NT5M: variants seen among roughly 807,000 people sequenced by gnomAD.
NT5M encodes 5'(3')-deoxyribonucleotidase, mitochondrial.
A neutral mutation model predicts 22.2 loss-of-function variants in NT5M; 22 were observed. The ratio of observed to expected loss-of-function variants is 0.99; its 90% CI spans 0.71 to 1.41. The LOEUF is 1.41. NT5M is among the 40% of genes most tolerant of loss of function. The probability of loss-of-function intolerance (pLI) is 0.00; values close to 1 mark genes in which losing one functional copy is unlikely to be tolerated. For synonymous variants in NT5M, 167 were observed against 133.0 expected (o/e 1.26, Z -1.76); for missense variants, 322 against 314.8 (o/e 1.02, Z -0.17).
intron 2 of NT5M, among the ~76,000 whole-genome samples, chr17:17,307,269 A>C (rs560742283): frequency 1.3e-5 from 2 of 152,224 alleles, no homozygotes; most frequent in East Asian, 3.8e-4. Context: ...TGTTTCAGCA[A>C]TGAGCAAAGT....
At chr17:17,330,739 T>G (rs2049362297) in intron 3 of NT5M, among the ~76,000 whole-genome samples, 1 of 128,800 alleles carries the variant, frequency 7.8e-6, no homozygotes, top group Non-Finnish European at 1.7e-5. Context: ...TCTTTCTTTC[T>G]TTCTTTTTTT....
chr17:17,321,725 G>A (rs1457028014), intron 2 of NT5M, among the ~76,000 whole-genome samples: 2 of 151,826 alleles, frequency 1.3e-5, no homozygotes, highest in African/African-American at 4.8e-5. Flanking sequence ...GCTCCTTCAG[G>A]GCCTGGCCAG....
At chr17:17,322,685 G>A (rs972589232) in intron 2 of NT5M, among the ~76,000 whole-genome samples, 1 of 92,482 alleles carries the variant, frequency 1.1e-5, no homozygotes, top group African/African-American at 2.8e-5. Context: ...GGCCCTGTGG[G>A]CATGAGGGCG....
chr17:17,329,443 A>G (rs892834707), intron 3 of NT5M, among the ~76,000 whole-genome samples: 7 of 152,168 alleles, frequency 4.6e-5, no homozygotes, highest in African/African-American at 1.7e-4. Flanking sequence ...TTGAAACTTA[A>G]GCAGCATGAC....
chr17:17,304,097 A>G (rs1038228137), intron 1 of NT5M, among the ~76,000 whole-genome samples: 4 of 152,226 alleles, frequency 2.6e-5, no homozygotes, highest in Non-Finnish European at 4.4e-5. Flanking sequence ...AATTTGTGGC[A>G]TATTTGGCCT....
intron 3 of NT5M, among the ~76,000 whole-genome samples, chr17:17,334,480 T>A (rs1162308583): frequency 7.8e-5 from 11 of 141,626 alleles, no homozygotes; most frequent in Non-Finnish European, 1.5e-4. Context: ...TTACTGTAGT[T>A]TTTTTTTTTT....
At chr17:17,308,888 CAT>C (rs1446644604) in intron 2 of NT5M, among the ~76,000 whole-genome samples, 4 of 152,260 alleles carry the variant, frequency 2.6e-5, no homozygotes, top group African/African-American at 4.8e-5. Context: ...TCATTTAGCA[CAT>C]GTTTTCAAGG....
chr17:17,335,250 A>G (rs9898622), intron 3 of NT5M, among the ~76,000 whole-genome samples: 32,711 of 151,924 alleles, frequency 0.22, 3,676 homozygotes, highest in South Asian at 0.28. Flanking sequence ...TTCCAAATAT[A>G]TAGAATACAA....
chr17:17,304,873 T>C (rs2048760966), intron 1 of NT5M, among the ~76,000 whole-genome samples: 2 of 152,146 alleles, frequency 1.3e-5, no homozygotes, highest in South Asian at 4.1e-4. Context: ...TCATCAGTAA[T>C]GTGGTTTGTT....
intron 3 of NT5M, among the ~76,000 whole-genome samples, chr17:17,328,002 A>G (rs949263029): frequency 6.6e-6 from 1 of 152,188 alleles, no homozygotes; most frequent in South Asian, 2.1e-4. Context: ...AAGCCTTTGT[A>G]TGGTCATGTT....
At chr17:17,319,316 T>C (rs1223461035) in intron 2 of NT5M, among the ~76,000 whole-genome samples, 1 of 152,042 alleles carries the variant, frequency 6.6e-6, no homozygotes, top group Non-Finnish European at 1.5e-5. Context: ...GACTGCTTAA[T>C]GGGAATGGGG....
chr17:17,316,273 G>T (rs1382490515), intron 2 of NT5M, among the ~76,000 whole-genome samples: 2 of 149,978 alleles, frequency 1.3e-5, no homozygotes, highest in African/African-American at 2.5e-5. Context: ...GGCCAGGCTG[G>T]TCTTAACCTC....
intron 2 of NT5M, among the ~76,000 whole-genome samples, chr17:17,316,111 G>C (rs1906327250): frequency 6.8e-6 from 1 of 146,978 alleles, no homozygotes; most frequent in South Asian, 2.2e-4. Flanking sequence ...CTGTAGTGTA[G>C]TGGTGCCATC....
chr17:17,346,866 G>A lies in NT5M; in HGVS notation c.606G>A (p.Leu202=). ...VLFTACHNQH[L]QLQPPRRRLH... is the part of the protein sequence containing the mutation. ...TCACCGCCTGCCACAACCAGCACCT[G>A]CAGCTGCAGCCCCCCCGCCGCAGGC... is the stretch of plus-strand genomic sequence containing the variant. Residue 202 remains leucine (L), a synonymous_variant, in exon 5 of 5, where the codon CTG becomes CTA. Transcript: ENST00000389022. The A allele has an allele frequency of 1.2e-6, 2 of 1,608,570 alleles. No individual in the cohort carries two copies. The highest frequency in any genetic ancestry group is 1.7e-4 in the Middle Eastern group (1 of 6,014).
intron 2 of NT5M, among the ~76,000 whole-genome samples, chr17:17,319,234 C>G (rs1300844002): frequency 2.7e-5 from 4 of 146,474 alleles, no homozygotes; most frequent in African/African-American, 7.4e-5. Context: ...AAAAAAGTTT[C>G]TGAACAAGAG....
intron 2 of NT5M, among the ~76,000 whole-genome samples, chr17:17,307,922 C>T (rs574343920): frequency 1.7e-4 from 26 of 151,612 alleles, no homozygotes; most frequent in Non-Finnish European, 2.5e-4. Context: ...TGGTGGTGGG[C>T]GCCTGTAATC....
At chr17:17,345,044 T>G in intron 4 of NT5M, 136 bp downstream of exon 4, 1 of 1,337,398 alleles carries the variant, frequency 7.5e-7, no homozygotes. Flanking sequence ...GCCCCTCCCC[T>G]TCGGGAAGAC....
intron 2 of NT5M, among the ~76,000 whole-genome samples, chr17:17,322,033 TTAGG>T (rs2049162089): frequency 6.6e-6 from 1 of 151,306 alleles, no homozygotes; most frequent in African/African-American, 2.4e-5. Flanking sequence ...GTGGGGAGGG[TTAGG>T]AACTGAGCGA....
chr17:17,318,199 G>A (rs1040036371), intron 2 of NT5M, among the ~76,000 whole-genome samples: 5 of 151,380 alleles, frequency 3.3e-5, no homozygotes, highest in African/African-American at 1.2e-4. Flanking sequence ...AATGACTGCC[G>A]GGCATGGTGG....
Sources: allele counts gnomAD v4.1 joint callset (sites outside exome capture counted in the v4.1 genomes callset), GRCh38; gene constraint gnomAD v4.1.1; transcripts MANE v1.5; gene names NCBI Gene and HGNC (gene_info 2026-07-23, HGNC 2026-07-21).